Variants in HS2ST1 observed in about 807,000 individuals in gnomAD.
HS2ST1 encodes the protein heparan sulfate 2-O-sulfotransferase 1.
In HS2ST1, 18 loss-of-function variants were observed where a neutral mutation model predicts 42.9. The observed-to-expected ratio is 0.42, with a 90% CI of 0.29 to 0.62. HS2ST1 has a LOEUF of 0.62. Ranked by LOEUF, HS2ST1 falls within the 20% of genes least tolerant of loss-of-function variation. HS2ST1 has a pLI of 0.21. For missense variants in HS2ST1, 334 were observed against 433.8 expected, an observed-to-expected ratio of 0.77 and a Z score of 2.04; for synonymous variants, 146 against 152.9, an observed-to-expected ratio of 0.95 and a Z score of 0.33.
At chr1:87,049,358 T>C (rs72955547) in intron 1 of HS2ST1, among the ~76,000 whole-genome samples, 6,692 of 152,086 alleles carry the variant, frequency 0.044, 482 homozygotes, top group African/African-American at 0.15. Flanking sequence ...AAGAACTAGC[T>C]GTGGTTTAGG....
At chr1:87,069,575 T>C (rs1473917172) in intron 1 of HS2ST1, among the ~76,000 whole-genome samples, 3 of 152,240 alleles carry the variant, frequency 2.0e-5, no homozygotes, top group African/African-American at 7.2e-5. Flanking sequence ...TCAACTGAGA[T>C]GTGATTTAAT....
intron 1 of HS2ST1, among the ~76,000 whole-genome samples, chr1:86,987,634 A>T (rs190825704): frequency 6.6e-6 from 1 of 152,244 alleles, no homozygotes; most frequent in East Asian, 1.9e-4. Context: ...TCCTTGACCT[A>T]AATCTTCAGT....
chr1:87,062,132 CCT>C (rs1174234500), intron 1 of HS2ST1, among the ~76,000 whole-genome samples: 1 of 151,906 alleles, frequency 6.6e-6, no homozygotes, highest in African/African-American at 2.4e-5. Context: ...TGTAAATTTC[CCT>C]CTCAGTCCTG....
chr1:87,086,762 T>C (rs1322997602), intron 3 of HS2ST1, among the ~76,000 whole-genome samples: 1 of 152,164 alleles, frequency 6.6e-6, no homozygotes, highest in Non-Finnish European at 1.5e-5. Context: ...TTTGCATTCC[T>C]ATCCCATCTT....
chr1:86,994,891 A>G (rs969372505), intron 1 of HS2ST1, among the ~76,000 whole-genome samples: 7 of 152,194 alleles, frequency 4.6e-5, no homozygotes, highest in African/African-American at 1.7e-4. Context: ...GGGTACTTAG[A>G]GTAGGAATGT....
intron 1 of HS2ST1, among the ~76,000 whole-genome samples, chr1:87,001,855 C>T (rs1649296035): frequency 1.3e-5 from 2 of 152,112 alleles, no homozygotes; most frequent in South Asian, 2.1e-4. Context: ...TCATGTGATC[C>T]GTCCACATCG....
In HS2ST1 at chr1:87,107,915, G is replaced by A. The variant is rs1652362671; in HGVS notation, c.*3219G>A. ...CATTTGTGCAACTTCAAACATATTG[G>A]GTGCTTCTGAATTCCTGATGATTGG... is the stretch of plus-strand genomic sequence containing the variant. On this transcript the variant is annotated 3_prime_UTR_variant, in exon 7 of 7. Coordinates refer to ENST00000370550, the MANE Select transcript of HS2ST1 (RefSeq NM_012262.4). The A allele has an allele frequency of 6.6e-6, 1 of 151,838 alleles. No homozygotes were observed. Among genetic ancestry groups the A allele is most frequent in the African/African-American group, 2.4e-5 (1 of 41,374 alleles). 9.4% of individuals were successfully genotyped at this position (151,838 alleles called of 1,614,324 possible).
chr1:87,013,055 G>T (rs576707899), intron 1 of HS2ST1, among the ~76,000 whole-genome samples: 43 of 152,338 alleles, frequency 2.8e-4, no homozygotes, highest in African/African-American at 9.6e-4. Context: ...AGCATCTGCA[G>T]CTTTTCCAGG....
intron 1 of HS2ST1, among the ~76,000 whole-genome samples, chr1:87,068,644 A>G (rs897935148): frequency 1.3e-5 from 2 of 152,188 alleles, no homozygotes; most frequent in African/African-American, 2.4e-5. Context: ...CCGGTTGTCA[A>G]AGGACTTCCC....
intron 1 of HS2ST1, among the ~76,000 whole-genome samples, chr1:87,048,746 G>A (rs4518960): frequency 0.74 from 111,421 of 151,574 alleles, 42,499 homozygotes; most frequent in East Asian, 0.97. Context: ...AGATGAATAC[G>A]TGGTCTTTAG....
In HS2ST1 at chr1:87,072,639, T is replaced by C. The variant is rs1355856321; in HGVS notation, c.125-295T>C. Among the ~76,000 whole-genome samples, 5 of 152,312 alleles carry C rather than the reference T, an allele frequency of 3.3e-5. No individual in the cohort carries two copies. The East Asian group carries it at 7.7e-4, about 24-fold the overall frequency. On this transcript the variant is annotated intron_variant, in intron 1 of 6. Transcript: ENST00000370550. ...TTCCTTTTTGTTCTTGATATACATA[T>C]GTATTATCCTTCATAAGGAATTCTG...
chr1:87,034,131 T>G (rs1650313124), intron 1 of HS2ST1, among the ~76,000 whole-genome samples: 1 of 152,234 alleles, frequency 6.6e-6, no homozygotes, highest in Non-Finnish European at 1.5e-5. Flanking sequence ...ACCCTTTTAT[T>G]TGTTTCAAAG....
At chr1:86,934,017 A>G (rs993589527) in intron 1 of HS2ST1, among the ~76,000 whole-genome samples, 1 of 152,162 alleles carries the variant, frequency 6.6e-6, no homozygotes, top group Non-Finnish European at 1.5e-5. Flanking sequence ...AAAGTGTTCT[A>G]TAATCTTATG....
At chr1:86,917,223 T>G (rs1463830462) in intron 1 of HS2ST1, among the ~76,000 whole-genome samples, 2 of 152,104 alleles carry the variant, frequency 1.3e-5, no homozygotes, top group Non-Finnish European at 2.9e-5. Flanking sequence ...AGAACACCAT[T>G]TAAAGCCATT....
chr1:87,058,258 C>G, intron 1 of HS2ST1, among the ~76,000 whole-genome samples: 1 of 151,252 alleles, frequency 6.6e-6, no homozygotes, highest in East Asian at 1.9e-4. Context: ...ACCCCCTAAA[C>G]TGCCTGTGTC....
chr1:86,995,511 C>T (rs755175794), intron 1 of HS2ST1, among the ~76,000 whole-genome samples: 41 of 152,010 alleles, frequency 2.7e-4, no homozygotes, highest in Non-Finnish European at 5.3e-4. Flanking sequence ...GATTAGATGT[C>T]GACACTTGGG....
chr1:87,038,578 G>A (rs1337227390), intron 1 of HS2ST1, among the ~76,000 whole-genome samples: 1 of 152,080 alleles, frequency 6.6e-6, no homozygotes, highest in African/African-American at 2.4e-5. Flanking sequence ...CATTCATATT[G>A]TGAATTACTG....
intron 1 of HS2ST1, among the ~76,000 whole-genome samples, chr1:86,963,459 A>G: frequency 6.6e-6 from 1 of 152,196 alleles, no homozygotes; most frequent in East Asian, 1.9e-4. Context: ...CATGTTTCAG[A>G]GAGCACCGGG....
chr1:86,947,367 TTC>T (rs1367582491), intron 1 of HS2ST1, among the ~76,000 whole-genome samples: 5 of 152,336 alleles, frequency 3.3e-5, no homozygotes, highest in African/African-American at 1.2e-4. Context: ...TGTTCAGAAA[TTC>T]TTAGTGTGTT....
Sources: gnomAD v4.1 joint callset for allele counts (sites outside exome capture counted in the v4.1 genomes callset) on GRCh38, gnomAD v4.1.1 for gene constraint, MANE v1.5 for transcripts, NCBI Gene and HGNC (gene_info 2026-07-23, HGNC 2026-07-21) for gene names.